GTPBP10: variants seen among roughly 807,000 people sequenced by gnomAD.
GTPBP10 encodes GTP binding protein 10.
In GTPBP10, 38 loss-of-function variants were observed where a neutral mutation model predicts 44.8. The ratio of observed to expected loss-of-function variants is 0.85; its 90% CI spans 0.65 to 1.11. GTPBP10 has a LOEUF of 1.11. Ranked by LOEUF, GTPBP10 falls within the 50% of genes most tolerant of loss-of-function variation. The pLI is 0.00. For missense variants in GTPBP10, 462 were observed against 453.7 expected (o/e 1.02, Z -0.17); for synonymous variants, 152 against 150.6 (o/e 1.01, Z -0.07).
intron 4 of GTPBP10, chr7:90,371,160 A>G (rs2115720844): frequency 1.6e-5 from 15 of 952,650 alleles, no homozygotes; most frequent in Non-Finnish European, 1.9e-5. Context: ...ACTTGTTTGC[A>G]TAAAGAAAAA....
chr7:90,367,262 C>T (rs112003714), intron 4 of GTPBP10, among the ~76,000 whole-genome samples: 2,358 of 152,076 alleles, frequency 0.016, 58 homozygotes, highest in African/African-American at 0.052. Context: ...TATATTCTGT[C>T]GATTTGGGGT....
Position 90,346,961 on chromosome 7 carries a change from T to A in GTPBP10, c.33+187T>A, listed in dbSNP as rs139992229. Among the ~76,000 whole-genome samples the A allele has an allele frequency of 7.2e-3, 1,099 of 152,250 alleles. 18 individuals carry two copies. The highest frequency in any genetic ancestry group is 0.023 in the South Asian group (113 of 4,820). On this transcript the variant is annotated intron_variant, in intron 1 of 9. Coordinates refer to ENST00000222511, the MANE Select transcript of GTPBP10 (RefSeq NM_033107.4). The stretch of plus-strand genomic sequence containing the variant: ...GTGACAGTGGTGTGTGTACCTGGCG[T>A]GGTTTGGACGGTTGTTTGGGGGCAG...
At position 90,354,445 on chromosome 7, in the gene GTPBP10, T is replaced by G. The variant is rs186363226; in HGVS notation, c.228-13T>G. 7.0e-7 allele frequency: 1 copy of G among 1,434,100 alleles called. No individual in the cohort carries two copies. Among genetic ancestry groups the G allele is most frequent in the East Asian group, 2.3e-5 (1 of 42,634 alleles). The allele number at this position is 1,434,100 out of a possible 1,614,324, so 88.8% of individuals were successfully genotyped here. ...ACACACATACATACATATATATACTTTTTTTTTGGTAGAATTAGTGCACTG... is the reference window on the plus strand; with the variant it reads ...ACACACATACATACATATATATACTGTTTTTTTGGTAGAATTAGTGCACTG... On this transcript the variant is annotated splice_polypyrimidine_tract_variant and intron_variant, in intron 2 of 9. Transcript: ENST00000222511.
chr7:90,366,383 T>G (rs1038720742), intron 4 of GTPBP10, among the ~76,000 whole-genome samples: 12 of 152,326 alleles, frequency 7.9e-5, no homozygotes, highest in Admixed American at 5.9e-4. Flanking sequence ...TCTGGTAGAA[T>G]TGAGCTGTGA....
At chr7:90,358,338 T>C (rs1452875212) in intron 4 of GTPBP10, among the ~76,000 whole-genome samples, 3 of 152,122 alleles carry the variant, frequency 2.0e-5, no homozygotes, top group African/African-American at 7.2e-5. Flanking sequence ...TGAACAAATC[T>C]AGAGGAATCA....
intron 4 of GTPBP10, among the ~76,000 whole-genome samples, chr7:90,370,955 A>G (rs1045619255): frequency 2.0e-5 from 3 of 151,930 alleles, no homozygotes; most frequent in Non-Finnish European, 2.9e-5. Context: ...GCAGTGAGCC[A>G]AGATCACGCC....
At chr7:90,367,873 C>A (rs1366996590) in intron 4 of GTPBP10, among the ~76,000 whole-genome samples, 2 of 152,124 alleles carry the variant, frequency 1.3e-5, no homozygotes, top group African/African-American at 4.8e-5. Context: ...TTCTTCATAG[C>A]GTCAATGGTG....
intron 5 of GTPBP10, among the ~76,000 whole-genome samples, chr7:90,373,573 T>G (rs1053164381): frequency 1.6e-4 from 24 of 152,144 alleles, no homozygotes; most frequent in African/African-American, 5.6e-4. Flanking sequence ...TATGTAGGAC[T>G]TGAGAAGGAA....
In GTPBP10 at chr7:90,355,174, C is replaced by G; in HGVS notation, c.408C>G (p.Gly136=). The G allele has an allele frequency of 1.2e-6, 2 of 1,604,476 alleles. No homozygotes were observed. The highest frequency in any genetic ancestry group is 1.7e-6 in the Non-Finnish European group (2 of 1,174,094). The part of the protein sequence containing the change: ...KLLTNFLPLK[G]QKRIIHLDLK... ...TTACAAATTTCTTACCATTGAAAGG[C>G]CAGAAACGAATAATTCACCTTGATC... The change falls in exon 4 of 10, where the codon GGC becomes GGG. Residue 136 remains glycine, a synonymous_variant. Transcript: ENST00000222511.
In GTPBP10 at chr7:90,389,096, C is replaced by T. The variant is rs1249392184; in HGVS notation, c.*3942C>T. On this transcript the variant is annotated 3_prime_UTR_variant, in exon 10 of 10. Coordinates refer to ENST00000222511, the MANE Select transcript of GTPBP10 (RefSeq NM_033107.4). ...ACCAAATAGTGAATTGAATTTAATG[C>T]ATATCTTTAAATCCTTAATAGTATC... 6.6e-6 allele frequency: 1 copy of T among 152,156 alleles called. No homozygotes were observed. The highest frequency in any genetic ancestry group is 1.5e-5 in the Non-Finnish European group (1 of 68,030). The allele number at this position is 152,156 out of a possible 1,614,324, so 9.4% of individuals were successfully genotyped here.
intron 5 of GTPBP10, among the ~76,000 whole-genome samples, chr7:90,372,856 TAAACAG>T (rs1796283658): frequency 6.6e-6 from 1 of 152,162 alleles, no homozygotes; most frequent in South Asian, 2.1e-4. Flanking sequence ...CAAAGACTGA[TAAACAG>T]AAACAGCTCC....
At position 90,382,463 on chromosome 7, in the gene GTPBP10, A is replaced by G. The variant is rs143741532; in HGVS notation, c.778-493A>G. 4.3e-3 allele frequency among the ~76,000 whole-genome samples: 661 copies of G among 152,282 alleles called. 2 individuals are homozygous for G. Among genetic ancestry groups the G allele is most frequent in the Non-Finnish European group, 6.8e-3 (461 of 68,026 alleles). On this transcript the variant is annotated intron_variant, in intron 8 of 9. Coordinates refer to ENST00000222511, the MANE Select transcript of GTPBP10 (RefSeq NM_033107.4). ...ATTACAAACAGGGCTTCGCTCTGTC[A>G]TGTAGGCTAGAGTGCAGACATGATC...
chr7:90,348,998 G>C (rs1405622403), intron 1 of GTPBP10, among the ~76,000 whole-genome samples: 2 of 152,140 alleles, frequency 1.3e-5, no homozygotes, highest in African/African-American at 4.8e-5. Context: ...GTTAGCTCTT[G>C]AGTTTCTTCA....
In GTPBP10 at chr7:90,354,538, G is replaced by T. The variant is rs1435958169; in HGVS notation, c.308G>T (p.Gly103Val). Residue 103 changes from glycine (G) to valine (V), a missense_variant, in exon 3 of 10, where the codon GGT (glycine) becomes GTT (valine). Physicochemically the swap from Gly to Val is moderately radical, Grantham distance 109. Coordinates refer to ENST00000222511, the MANE Select transcript of GTPBP10 (RefSeq NM_033107.4). ...GGTATTTCAGTAACTGATGAAAATG[G>T]TAAAATTATAGGTGAGTGTACTATA... ...PVGISVTDEN[G>V]KIIGELNKEN... 6.4e-7 allele frequency: 1 copy of T among 1,565,430 alleles called. No individual in the cohort carries two copies. The highest frequency in any genetic ancestry group is 8.7e-7 in the Non-Finnish European group (1 of 1,148,132).
chr7:90,371,312 C>T (rs929687344), intron 4 of GTPBP10: 23 of 225,638 alleles, frequency 1.0e-4, no homozygotes, highest in Non-Finnish European at 1.7e-4. Flanking sequence ...AAGTAAATTA[C>T]ACTTCACCAT....
At position 90,371,640 on chromosome 7, in the gene GTPBP10, G is replaced by T. The variant is rs147289422; in HGVS notation, c.465-515G>T. On this transcript the variant is annotated intron_variant, in intron 4 of 9. Transcript: ENST00000222511. ...TTGAGACACACCGGGTATTTGTAACGTACAGACCTTACTTGGATTTCTATT... is the reference window on the plus strand; with the variant it reads ...TTGAGACACACCGGGTATTTGTAACTTACAGACCTTACTTGGATTTCTATT... Among the ~76,000 whole-genome samples the T allele has an allele frequency of 7.2e-5, 11 of 152,250 alleles. No individual in the cohort carries two copies. The East Asian group carries it at 1.7e-3, about 24-fold the overall frequency.
chr7:90,356,017 A>G (rs1212676318), intron 4 of GTPBP10, among the ~76,000 whole-genome samples: 1 of 149,434 alleles, frequency 6.7e-6, no homozygotes, highest in Admixed American at 6.8e-5. Flanking sequence ...AGTTATTCAG[A>G]TGGAAAGCTT....
At chr7:90,372,814 T>A (rs1562959165) in intron 5 of GTPBP10, among the ~76,000 whole-genome samples, 1 of 152,148 alleles carries the variant, frequency 6.6e-6, no homozygotes, top group African/African-American at 2.4e-5. Flanking sequence ...AGCAGATACT[T>A]ATTTTTGGAG....
chr7:90,380,887 AT>A (rs1405470620), intron 8 of GTPBP10, among the ~76,000 whole-genome samples: 5 of 151,092 alleles, frequency 3.3e-5, no homozygotes, highest in African/African-American at 9.7e-5. Context: ...ATTATGCAGT[AT>A]TTTTTTTTCT....
Sources: allele counts gnomAD v4.1 joint callset (sites outside exome capture counted in the v4.1 genomes callset), GRCh38; gene constraint gnomAD v4.1.1; transcripts MANE v1.5; gene names NCBI Gene and HGNC (gene_info 2026-07-23, HGNC 2026-07-21).